The following MAGI2 variants were observed in gnomAD, a reference collection of about 807,000 sequenced individuals.
MAGI2 encodes the protein membrane associated guanylate kinase, WW and PDZ domain containing 2, also known as membrane-associated guanylate kinase, WW and PDZ domain-containing protein 2.
Under a neutral mutation model 133.3 loss-of-function variants are expected in MAGI2, and 35 were observed. The ratio of observed to expected loss-of-function variants is 0.26; its 90% CI spans 0.20 to 0.35. MAGI2 has a LOEUF of 0.35. Among genes scored for constraint, MAGI2 ranks in the 10% least tolerant of loss-of-function variants. The pLI is 1.00. For missense variants in MAGI2, 1,636 were observed against 1,863.4 expected (o/e 0.88, Z 2.25); for synonymous variants, 729 against 710.6 (o/e 1.03, Z -0.41).
intron 10 of MAGI2, among the ~76,000 whole-genome samples, chr7:78,213,501 T>G (rs1262227040): frequency 6.6e-6 from 1 of 152,210 alleles, no homozygotes; most frequent in Non-Finnish European, 1.5e-5. Flanking sequence ...TTCACACTTC[T>G]GTTAAGTTTA....
intron 2 of MAGI2, among the ~76,000 whole-genome samples, chr7:78,945,353 G>A (rs546004939): frequency 2.6e-5 from 4 of 152,064 alleles, no homozygotes; most frequent in Non-Finnish European, 5.9e-5. Context: ...GAGCTGCCAC[G>A]CCTGGCCCTC....
intron 1 of MAGI2, among the ~76,000 whole-genome samples, chr7:79,229,811 T>C (rs539292310): frequency 6.6e-6 from 1 of 152,032 alleles, no homozygotes; most frequent in African/African-American, 2.4e-5. Flanking sequence ...TTTATTATTA[T>C]ACTTTAGGTT....
chr7:78,777,913 G>A (rs1366042545), intron 2 of MAGI2, among the ~76,000 whole-genome samples: 1 of 152,114 alleles, frequency 6.6e-6, no homozygotes, highest in Non-Finnish European at 1.5e-5. Context: ...GTCCTCTGAA[G>A]GTAATTCATC....
At chr7:78,946,783 T>C (rs904321272) in intron 2 of MAGI2, 5 of 152,198 alleles carry the variant, frequency 3.3e-5, no homozygotes, top group East Asian at 1.9e-4. Flanking sequence ...TTGTAATTCA[T>C]CTGTTTATAT....
In MAGI2 at chr7:78,256,170, G is replaced by A. The variant is rs755843448; in HGVS notation, c.1820C>T (p.Thr607Ile). 5.6e-6 allele frequency: 9 copies of A among 1,613,952 alleles called. No individual in the cohort carries two copies. The South Asian group carries it at 8.8e-5, about 16-fold the overall frequency. Residue 607 changes from threonine to isoleucine, a missense_variant, in exon 10 of 22, where the codon ACC becomes ATC. By Grantham distance (89) the Thr-to-Ile change is moderately conservative. Transcript: ENST00000354212. Reference sequence around the variant, plus strand: ...GAAGCCCTGGGCACCTTTCACAATGGTTAAGGTCATAAGTTCAGCTTGGGT... The same window carrying A: ...GAAGCCCTGGGCACCTTTCACAATGATTAAGGTCATAAGTTCAGCTTGGGT... ...GATQAELMTLTIVKGAQGFGF... is the reference protein window; with the variant it reads ...GATQAELMTLIIVKGAQGFGF...
At chr7:78,976,623 T>G (rs1176654252) in intron 2 of MAGI2, among the ~76,000 whole-genome samples, 1 of 151,064 alleles carries the variant, frequency 6.6e-6, no homozygotes, top group Non-Finnish European at 1.5e-5. Context: ...AGAAAAAGAA[T>G]TAAAAGCCAT....
intron 1 of MAGI2, among the ~76,000 whole-genome samples, chr7:79,154,154 A>G (rs893645182): frequency 2.6e-5 from 4 of 152,200 alleles, no homozygotes; most frequent in South Asian, 2.1e-4. Flanking sequence ...GCTATCTTTC[A>G]ACAGGTGAAA....
chr7:78,940,130 A>G (rs1448154651), intron 2 of MAGI2, among the ~76,000 whole-genome samples: 1 of 152,204 alleles, frequency 6.6e-6, no homozygotes, highest in African/African-American at 2.4e-5. Context: ...AAGATAAAAC[A>G]TTGTATTATA....
rs1223486924 is a variant in MAGI2, at chr7:79,399,135, C to G, written c.301+53885G>C. Among the ~76,000 whole-genome samples, 4 of 118,752 alleles carry G rather than the reference C, an allele frequency of 3.4e-5. 1 individual carries two copies. The highest frequency in any genetic ancestry group is 1.3e-4 in the African/African-American group (4 of 29,806). The allele number at this position is 118,752 out of a possible 152,430, so 77.9% of individuals were successfully genotyped here. ...TGGGAGATGGAGCCTCACTCTGTGG[C>G]CCAGACTGGAGTGCAGAGGCACAAT... On this transcript the variant is annotated intron_variant, in intron 1 of 21. Coordinates refer to ENST00000354212, the MANE Select transcript of MAGI2 (RefSeq NM_012301.4).
intron 1 of MAGI2, among the ~76,000 whole-genome samples, chr7:79,406,560 G>A (rs1845820538): frequency 1.3e-5 from 2 of 152,074 alleles, no homozygotes; most frequent in African/African-American, 4.8e-5. Context: ...GGCTGAACCA[G>A]GAAACTTTGA....
chr7:78,477,919 T>C (rs1791946976), intron 6 of MAGI2, among the ~76,000 whole-genome samples: 1 of 125,698 alleles, frequency 8.0e-6, no homozygotes, highest in Non-Finnish European at 1.6e-5. Flanking sequence ...TTAAAGGAAA[T>C]TTTATTTTTA....
chr7:78,699,919 T>C (rs143233975), intron 2 of MAGI2, among the ~76,000 whole-genome samples: 1 of 152,156 alleles, frequency 6.6e-6, no homozygotes, highest in Non-Finnish European at 1.5e-5. Flanking sequence ...AACAAAATAA[T>C]GTAAGTCCCC....
At chr7:78,377,304 G>A (rs1202722729) in intron 6 of MAGI2, among the ~76,000 whole-genome samples, 1 of 152,060 alleles carries the variant, frequency 6.6e-6, no homozygotes, top group East Asian at 1.9e-4. Flanking sequence ...GTGCCAGAGT[G>A]GAGACTGTGC....
intron 11 of MAGI2, among the ~76,000 whole-genome samples, chr7:78,199,786 T>C (rs1221058828): frequency 6.6e-6 from 1 of 152,208 alleles, no homozygotes; most frequent in Non-Finnish European, 1.5e-5. Context: ...TATAAAACAA[T>C]TTTTGGAATT....
chr7:78,791,057 C>A (rs937364899), intron 2 of MAGI2, among the ~76,000 whole-genome samples: 1 of 152,020 alleles, frequency 6.6e-6, no homozygotes, highest in African/African-American at 2.4e-5. Context: ...AAATGTTAAT[C>A]AACTATTATA....
chr7:78,224,694 A>T (rs949389928), intron 10 of MAGI2, among the ~76,000 whole-genome samples: 6 of 142,352 alleles, frequency 4.2e-5, no homozygotes, highest in Admixed American at 2.1e-4. Flanking sequence ...AACAACGTAA[A>T]TTTTTTTTTT....
chr7:78,040,800 T>C (rs780434124), intron 21 of MAGI2, among the ~76,000 whole-genome samples: 2 of 152,150 alleles, frequency 1.3e-5, no homozygotes, highest in South Asian at 2.1e-4. Context: ...TCAGGAATGA[T>C]TGTTGACTGG....
intron 2 of MAGI2, among the ~76,000 whole-genome samples, chr7:78,742,455 C>T (rs571057892): frequency 3.9e-5 from 6 of 152,096 alleles, no homozygotes; most frequent in Non-Finnish European, 7.4e-5. Flanking sequence ...TCTATCCTAT[C>T]GTGTTTTTAT....
At position 78,341,250 on chromosome 7, in the gene MAGI2, C is replaced by T. The variant is rs546981063; in HGVS notation, c.1408+2528G>A. Among the ~76,000 whole-genome samples, 11 of 152,144 alleles carry T rather than the reference C, an allele frequency of 7.2e-5. No homozygotes were observed. In the South Asian group the frequency reaches 1.9e-3, roughly 26 times the overall value. On this transcript the variant is annotated intron_variant, in intron 9 of 21. Coordinates refer to ENST00000354212, the MANE Select transcript of MAGI2 (RefSeq NM_012301.4). ...AATAAAATACTAGGAATACAACTTA[C>T]GAGGGATGTGAAGGACCTCTTCAGG...
Sources: gnomAD v4.1 joint callset for allele counts (sites outside exome capture counted in the v4.1 genomes callset) on GRCh38, gnomAD v4.1.1 for gene constraint, MANE v1.5 for transcripts, NCBI Gene and HGNC (gene_info 2026-07-23, HGNC 2026-07-21) for gene names.